Variants in LRRC8D observed in about 807,000 individuals in gnomAD.
The protein encoded by LRRC8D is volume-regulated anion channel subunit LRRC8D.
A neutral mutation model predicts 55.8 loss-of-function variants in LRRC8D; 20 were observed. That is an observed-to-expected ratio of 0.36 (90% CI 0.25 to 0.52). LRRC8D has a LOEUF of 0.52. LRRC8D is among the 20% of genes least tolerant of loss of function. The pLI is 0.93. For missense variants in LRRC8D, 651 were observed against 1,030.8 expected (o/e 0.63, Z 5.05); for synonymous variants, 352 against 377.0 (o/e 0.93, Z 0.77).
intron 2 of LRRC8D, among the ~76,000 whole-genome samples, chr1:89,885,426 A>G (rs1275432768): frequency 6.6e-6 from 1 of 152,258 alleles, no homozygotes; most frequent in Non-Finnish European, 1.5e-5. Flanking sequence ...GAGGAAATCC[A>G]TATCTAGACA....
Position 89,911,226 on chromosome 1 carries a change from C to CA in LRRC8D, c.-2-21841_-2-21840insA, listed in dbSNP as rs1553128234. On this transcript the variant is annotated intron_variant, in intron 2 of 2. Coordinates refer to ENST00000337338, the MANE Select transcript of LRRC8D (RefSeq NM_001134479.2). The surrounding 1 kb of genome is among the most constrained non-coding windows in gnomAD (Gnocchi z 4.0). ...TTTGTGGAATTATTTTGCAAGTTAC[C>CA]TTTTTCCCTTTAGACTTTTCAAAAA... Among the ~76,000 whole-genome samples the CA allele has an allele frequency of 6.6e-6, 1 of 150,996 alleles. No homozygotes were observed. Among genetic ancestry groups the CA allele is most frequent in the South Asian group, 2.1e-4 (1 of 4,790 alleles).
At chr1:89,922,487 C>T (rs1269557038) in intron 2 of LRRC8D, among the ~76,000 whole-genome samples, 2 of 152,184 alleles carry the variant, frequency 1.3e-5, no homozygotes, top group Non-Finnish European at 2.9e-5. Context: ...CAAAATTCAA[C>T]GAATTGGTCT....
chr1:89,879,535 T>C lies in LRRC8D; in HGVS notation c.-3+35753T>C, dbSNP rs537769019. ...GGGATATTGTATACTTCAAAGATAT[T>C]ATAACAAAAATACTTTCCTGGTAAA... On this transcript the variant is annotated intron_variant, in intron 2 of 2. Transcript: ENST00000337338. Among the ~76,000 whole-genome samples, 30 of 152,332 alleles carry C rather than the reference T, an allele frequency of 2.0e-4. No individual in the cohort carries two copies. The South Asian group carries it at 6.2e-3, about 32-fold the overall frequency.
intron 1 of LRRC8D, among the ~76,000 whole-genome samples, chr1:89,826,366 G>C (rs368035984): frequency 2.2e-4 from 34 of 152,130 alleles, no homozygotes; most frequent in African/African-American, 7.7e-4. Flanking sequence ...CCGGGTTCAC[G>C]CCATTCTCCT....
intron 2 of LRRC8D, among the ~76,000 whole-genome samples, chr1:89,858,155 G>A (rs527534224): frequency 1.3e-5 from 2 of 152,312 alleles, no homozygotes; most frequent in East Asian, 3.9e-4. Context: ...CTTGGACCTG[G>A]GAGGCAGAGA....
intron 2 of LRRC8D, among the ~76,000 whole-genome samples, chr1:89,872,200 T>C (rs983144939): frequency 6.6e-6 from 1 of 152,246 alleles, no homozygotes; most frequent in Non-Finnish European, 1.5e-5. Flanking sequence ...TTGTGCAAAC[T>C]ATGCAGTGCT....
intron 2 of LRRC8D, among the ~76,000 whole-genome samples, chr1:89,873,777 A>G (rs1662080767): frequency 6.6e-6 from 1 of 152,250 alleles, no homozygotes; most frequent in South Asian, 2.1e-4. Context: ...TTCCTGAAAC[A>G]AATTTATAAA....
intron 1 of LRRC8D, among the ~76,000 whole-genome samples, chr1:89,839,161 C>T (rs1661073517): frequency 6.6e-6 from 1 of 152,208 alleles, no homozygotes; most frequent in South Asian, 2.1e-4. Context: ...TATCACTTAA[C>T]ATCTGTGAGC....
At chr1:89,907,582 C>T (rs2816848) in intron 2 of LRRC8D, among the ~76,000 whole-genome samples, 3,456 of 152,226 alleles carry the variant, frequency 0.023, 155 homozygotes, top group African/African-American at 0.079. Flanking sequence ...TTCTAAGCCT[C>T]ATTTTCTCAG....
chr1:89,895,111 G>T (rs192923504), intron 2 of LRRC8D, among the ~76,000 whole-genome samples: 123 of 152,036 alleles, frequency 8.1e-4, no homozygotes, highest in Middle Eastern at 3.4e-3. Context: ...AGACAGGTGT[G>T]CTAGATAATT....
chr1:89,935,043 A>C lies in LRRC8D; in HGVS notation c.1975A>C (p.Asn659His), dbSNP rs1446840881. ...CCCACATGCTATTTTCAGCCTCTCTAATTTACAGGAACTGGATTTAAAGTC... is the reference window on the plus strand; with the variant it reads ...CCCACATGCTATTTTCAGCCTCTCTCATTTACAGGAACTGGATTTAAAGTC... ...RIPHAIFSLSNLQELDLKSNN... is the reference protein window; with the variant it reads ...RIPHAIFSLSHLQELDLKSNN... The change falls in exon 3 of 3, where the codon AAT (asparagine) becomes CAT (histidine). Residue 659 changes from asparagine to histidine, a missense_variant. Transcript: ENST00000337338. 11 of 1,614,196 alleles carry C rather than the reference A, an allele frequency of 6.8e-6. No homozygotes were observed. The highest frequency in any genetic ancestry group is 9.3e-6 in the Non-Finnish European group (11 of 1,180,030).
chr1:89,845,041 A>C (rs1193220237), intron 2 of LRRC8D, among the ~76,000 whole-genome samples: 1 of 152,242 alleles, frequency 6.6e-6, no homozygotes, highest in Non-Finnish European at 1.5e-5. Context: ...GAATCTGTGT[A>C]GCACAGTATC....
chr1:89,822,097 G>T (rs373822450), intron 1 of LRRC8D: 1 of 152,612 alleles, frequency 6.6e-6, no homozygotes, highest in Non-Finnish European at 1.5e-5. Context: ...TTTACTAGGG[G>T]GTATCCCTTG....
At chr1:89,913,364 T>A (rs1303878273) in intron 2 of LRRC8D, among the ~76,000 whole-genome samples, 2 of 152,222 alleles carry the variant, frequency 1.3e-5, no homozygotes, top group Admixed American at 6.5e-5. Context: ...AATGGAAGAC[T>A]ATTTTGATTA....
chr1:89,911,455 A>G lies in LRRC8D; in HGVS notation c.-2-21612A>G, dbSNP rs1663131359. Among the ~76,000 whole-genome samples the G allele has an allele frequency of 6.6e-6, 1 of 152,152 alleles. No homozygotes were observed. The highest frequency in any genetic ancestry group is 2.4e-5 in the African/African-American group (1 of 41,422). On this transcript the variant is annotated intron_variant, in intron 2 of 2. Transcript: ENST00000337338. The surrounding 1 kb of genome is among the most constrained non-coding windows in gnomAD (Gnocchi z 4.0). ...ACTTGAGTTATAGCTCCTTGTCGAA[A>G]TGTGTTTGTATAATTTGACTTTATG...
chr1:89,865,719 A>G (rs965404964), intron 2 of LRRC8D, among the ~76,000 whole-genome samples: 1 of 152,204 alleles, frequency 6.6e-6, no homozygotes, highest in African/African-American at 2.4e-5. Context: ...AATGATTTTA[A>G]TGACTTACAA....
intron 2 of LRRC8D, among the ~76,000 whole-genome samples, chr1:89,901,373 C>G (rs992251571): frequency 6.6e-6 from 1 of 152,238 alleles, no homozygotes; most frequent in Non-Finnish European, 1.5e-5. Context: ...AATAGTTTCT[C>G]TCCTGTAAAA....
At chr1:89,856,809 G>A (rs928029094) in intron 2 of LRRC8D, among the ~76,000 whole-genome samples, 3 of 152,190 alleles carry the variant, frequency 2.0e-5, no homozygotes, top group African/African-American at 7.2e-5. Flanking sequence ...TGATACAGTT[G>A]GATTAATATC....
chr1:89,844,231 GGAA>G (rs1661217796), intron 2 of LRRC8D, among the ~76,000 whole-genome samples: 2 of 152,234 alleles, frequency 1.3e-5, no homozygotes, highest in Non-Finnish European at 2.9e-5. Flanking sequence ...GTAGGGAAGA[GGAA>G]GAAGATGAGT....
Sources: allele counts gnomAD v4.1 joint callset (sites outside exome capture counted in the v4.1 genomes callset), GRCh38; gene constraint gnomAD v4.1.1; non-coding constraint Gnocchi (gnomAD v3.1); transcripts MANE v1.5; gene names NCBI Gene and HGNC (gene_info 2026-07-23, HGNC 2026-07-21).